RNLS: variants seen among roughly 807,000 people sequenced by gnomAD.
RNLS encodes the protein renalase.
In RNLS, 39 loss-of-function variants were observed where a neutral mutation model predicts 39.8. That is an observed-to-expected ratio of 0.98 (90% CI 0.76 to 1.28). The LOEUF is 1.28. Ranked by LOEUF, RNLS falls within the 50% of genes most tolerant of loss-of-function variation. RNLS has a pLI of 0.00. For synonymous variants in RNLS, 147 were observed against 150.7 expected, an observed-to-expected ratio of 0.98 and a Z score of 0.18; for missense variants, 410 against 413.3, an observed-to-expected ratio of 0.99 and a Z score of 0.07.
the RNLS span, among the ~76,000 whole-genome samples, chr10:88,255,210 A>G: frequency 6.6e-6 from 1 of 152,342 alleles, no homozygotes; most frequent in East Asian, 1.9e-4. Flanking sequence ...TCCTCTTGCC[A>G]TCAACTGTGC....
chr10:88,485,370 C>G (rs72820058), intron 4 of RNLS, among the ~76,000 whole-genome samples: 2,636 of 151,708 alleles, frequency 0.017, 41 homozygotes, highest in Non-Finnish European at 0.025. Context: ...AGAGTCTGTT[C>G]AAAAAGTTGT....
At chr10:88,492,794 T>C (rs1844960749) in intron 4 of RNLS, among the ~76,000 whole-genome samples, 1 of 152,086 alleles carries the variant, frequency 6.6e-6, no homozygotes, top group Admixed American at 6.6e-5. Flanking sequence ...TTCAATCTCA[T>C]CATCCCCAAA....
intron 4 of RNLS, among the ~76,000 whole-genome samples, chr10:88,377,864 C>CT (rs947772812): frequency 2.0e-5 from 3 of 151,910 alleles, no homozygotes; most frequent in Non-Finnish European, 2.9e-5. Flanking sequence ...ACTTTGTAAA[C>CT]TTTTTTTTAA....
At chr10:88,227,312 A>G in the RNLS span, among the ~76,000 whole-genome samples, 1 of 152,228 alleles carries the variant, frequency 6.6e-6, no homozygotes, top group East Asian at 1.9e-4. Flanking sequence ...TTGTAGAAAC[A>G]TAGAACAATA....
At chr10:88,464,869 A>G (rs1011527697) in intron 4 of RNLS, among the ~76,000 whole-genome samples, 5 of 152,080 alleles carry the variant, frequency 3.3e-5, no homozygotes, top group Non-Finnish European at 7.4e-5. Context: ...CCTGATACAA[A>G]ATCAGAGTCA....
At chr10:88,478,853 T>G (rs928638216) in intron 4 of RNLS, among the ~76,000 whole-genome samples, 4 of 152,034 alleles carry the variant, frequency 2.6e-5, no homozygotes, top group Admixed American at 2.0e-4. Flanking sequence ...TCTTTTTCCT[T>G]CTTTCTTTCA....
intron 5 of RNLS, among the ~76,000 whole-genome samples, chr10:88,330,726 GA>G (rs1411415173): frequency 1.3e-5 from 2 of 151,960 alleles, no homozygotes; most frequent in Non-Finnish European, 2.9e-5. Flanking sequence ...TAACTAGTAA[GA>G]AAAATGATTT....
At chr10:88,236,714 C>T in the RNLS span, among the ~76,000 whole-genome samples, 4 of 152,256 alleles carry the variant, frequency 2.6e-5, no homozygotes, top group Admixed American at 6.5e-5. Context: ...AGGTATTGAA[C>T]GCTTACCATG....
At chr10:88,556,014 A>T (rs895278630) in intron 4 of RNLS, among the ~76,000 whole-genome samples, 4 of 152,156 alleles carry the variant, frequency 2.6e-5, no homozygotes, top group Non-Finnish European at 4.4e-5. Context: ...ATTCAACTGC[A>T]TAAGTATTCC....
intron 4 of RNLS, among the ~76,000 whole-genome samples, chr10:88,513,452 T>C (rs1319782668): frequency 6.6e-6 from 1 of 152,142 alleles, no homozygotes; most frequent in Admixed American, 6.6e-5. Context: ...TAATTTTATA[T>C]TAAACACTCA....
the RNLS span, among the ~76,000 whole-genome samples, chr10:88,257,833 C>G: frequency 6.6e-6 from 1 of 152,146 alleles, no homozygotes; most frequent in Admixed American, 6.5e-5. Context: ...CATTATACAC[C>G]AATCCATGAC....
At chr10:88,337,004 G>A (rs1008288130) in intron 5 of RNLS, among the ~76,000 whole-genome samples, 2 of 152,132 alleles carry the variant, frequency 1.3e-5, no homozygotes, top group Non-Finnish European at 2.9e-5. Context: ...CTGACATAGG[G>A]GTGAGGGATG....
intron 4 of RNLS, among the ~76,000 whole-genome samples, chr10:88,550,422 C>T (rs112730818): frequency 0.012 from 1,754 of 152,102 alleles, 34 homozygotes; most frequent in African/African-American, 0.039. Flanking sequence ...TCAAGTACAA[C>T]GGGGATTTTG....
Position 88,579,923 on chromosome 10 carries a change from T to C in RNLS, c.367+1644A>G, listed in dbSNP as rs138644381. On this transcript the variant is annotated intron_variant, in intron 3 of 6. Transcript: ENST00000331772. ...ATGTGGGTAGGCCTCATCCAATCAG[T>C]TGAAGGCCTACATAGGACAAACGCA... Among the ~76,000 whole-genome samples, 1,028 of 152,302 alleles carry C rather than the reference T, an allele frequency of 6.7e-3. 27 individuals carry two copies. The South Asian group carries it at 0.083, about 12-fold the overall frequency.
chr10:88,203,332 ATATACACGTATGTG>A, the RNLS span, among the ~76,000 whole-genome samples: 9 of 14,944 alleles, frequency 6.0e-4, 3 homozygotes, highest in African/African-American at 3.5e-3. Context: ...ATATATATAT[ATATACACGTATGTG>A]TATATATATA....
At chr10:88,352,447 A>G (rs1848789450) in intron 5 of RNLS, among the ~76,000 whole-genome samples, 1 of 152,186 alleles carries the variant, frequency 6.6e-6, no homozygotes, top group African/African-American at 2.4e-5. Context: ...TTCTGCATCT[A>G]TTGAGATAAT....
At chr10:88,421,299 A>T (rs187509822) in intron 4 of RNLS, among the ~76,000 whole-genome samples, 1 of 152,210 alleles carries the variant, frequency 6.6e-6, no homozygotes, top group Non-Finnish European at 1.5e-5. Context: ...AGCCCTACTC[A>T]TAGAATAAAA....
chr10:88,226,603 C>T, the RNLS span, among the ~76,000 whole-genome samples: 4 of 152,118 alleles, frequency 2.6e-5, no homozygotes, highest in East Asian at 1.9e-4. Context: ...CTCTACATAT[C>T]TTATAATCAA....
intron 4 of RNLS, among the ~76,000 whole-genome samples, chr10:88,561,905 A>C (rs189773147): frequency 6.6e-6 from 1 of 152,302 alleles, no homozygotes; most frequent in African/African-American, 2.4e-5. Context: ...GAAAAACTCT[A>C]AATGACCAAT....
Sources: allele counts gnomAD v4.1 joint callset (sites outside exome capture counted in the v4.1 genomes callset), GRCh38; gene constraint gnomAD v4.1.1; transcripts MANE v1.5; gene names NCBI Gene and HGNC (gene_info 2026-07-23, HGNC 2026-07-21).